The following PCDHA2 variants were observed in gnomAD, a reference collection of about 807,000 sequenced individuals.
PCDHA2 encodes protocadherin alpha-2.
PCDHA2 carries 58 observed loss-of-function variants against 66.0 expected under a neutral mutation model. That is an observed-to-expected ratio of 0.88 (90% CI 0.71 to 1.09). PCDHA2 has a LOEUF of 1.09. PCDHA2 is among the 50% of genes least tolerant of loss of function. The probability of loss-of-function intolerance (pLI) is 0.00; values close to 1 mark genes in which losing one functional copy is unlikely to be tolerated. For synonymous variants in PCDHA2, 634 were observed against 554.0 expected, an observed-to-expected ratio of 1.14 and a Z score of -2.03; for missense variants, 1,267 against 1,242.3, an observed-to-expected ratio of 1.02 and a Z score of -0.30.
intron 1 of PCDHA2, chr5:140,967,005 A>G: frequency 1.2e-6 from 2 of 1,605,512 alleles, no homozygotes; most frequent in African/African-American, 1.3e-5. Flanking sequence ...TTGCGCATCA[A>G]CCATCTGGGT....
intron 3 of PCDHA2, among the ~76,000 whole-genome samples, chr5:141,004,289 CAG>C (rs1383902638): frequency 1.3e-5 from 2 of 152,130 alleles, no homozygotes; most frequent in Non-Finnish European, 2.9e-5. Context: ...GCTGAGCTCT[CAG>C]AGATGTTTGT....
rs2150354067 is a variant in PCDHA2 at position 140,843,158 on chromosome 5, C to A, written c.2388+45806C>A. On this transcript the variant is annotated intron_variant, in intron 1 of 3. Transcript: ENST00000526136. ...CGCGTGGCTTTCGTATGAGCTGCAG[C>A]CAGCTGCAAGCAGCCCTCGCATCCC... is the stretch of plus-strand genomic sequence containing the variant. The A allele has an allele frequency of 1.0e-4, 163 of 1,596,026 alleles. 13 individuals carry two copies. In the South Asian group the frequency reaches 1.7e-3, roughly 16 times the overall value.
intron 1 of PCDHA2, chr5:140,810,623 A>C (rs1474517049): frequency 6.6e-6 from 1 of 152,124 alleles, no homozygotes; most frequent in South Asian, 2.1e-4. Flanking sequence ...TATTTTGTGC[A>C]ATAGCTGCTC....
chr5:140,807,397 C>T, intron 1 of PCDHA2: 1 of 1,344,452 alleles, frequency 7.4e-7, no homozygotes, highest in Non-Finnish European at 1.0e-6. Flanking sequence ...CGTCCAAGGG[C>T]CGCGGAGGCC....
At chr5:140,966,806 C>T in intron 1 of PCDHA2, 1 of 1,546,832 alleles carries the variant, frequency 6.5e-7, no homozygotes, top group Non-Finnish European at 8.7e-7. Context: ...GACAGAGCAT[C>T]CACGGCTCCG....
intron 1 of PCDHA2, among the ~76,000 whole-genome samples, chr5:140,798,690 T>C (rs1762351205): frequency 6.6e-6 from 1 of 152,230 alleles, no homozygotes; most frequent in Non-Finnish European, 1.5e-5. Context: ...TTGGAATTTT[T>C]CCAAAAGATG....
chr5:140,881,336 G>C (rs2058671987), intron 1 of PCDHA2: 1 of 984,948 alleles, frequency 1.0e-6, no homozygotes. Context: ...CCAGGACGCC[G>C]ATTCGGGCTA....
chr5:140,989,253 G>C (rs886150768), intron 3 of PCDHA2, among the ~76,000 whole-genome samples: 1 of 152,194 alleles, frequency 6.6e-6, no homozygotes, highest in Non-Finnish European at 1.5e-5. Flanking sequence ...CTTGTCAAAA[G>C]GGAGATTCAA....
At chr5:140,853,128 C>T (rs2150528900) in intron 1 of PCDHA2, 17 of 607,300 alleles carry the variant, frequency 2.8e-5, no homozygotes, top group Non-Finnish European at 3.6e-5. Flanking sequence ...ATCCTCCCGC[C>T]TCAGCCTCCC....
At position 141,010,329 on chromosome 5, in the gene PCDHA2, GTTTGTGGCCACTGGGTA is replaced by G. The variant is rs1554262887; in HGVS notation, c.*394_*410del. The G allele has an allele frequency of 1.9e-6, 3 of 1,538,554 alleles. No individual in the cohort carries two copies. The East Asian group carries it at 7.3e-5, about 38-fold the overall frequency. ...AGTTTTGAGATTGAGCAGCTTGGGA[GTTTGTGGCCACTGGGTA>G]TGTGTGGCTACCGCGGGTATGCGAG... On this transcript the variant is annotated 3_prime_UTR_variant, in exon 4 of 4. Coordinates refer to ENST00000526136, the MANE Select transcript of PCDHA2 (RefSeq NM_018905.3).
At chr5:140,968,353 C>A (rs1377792748) in intron 1 of PCDHA2, 1 of 1,614,106 alleles carries the variant, frequency 6.2e-7, no homozygotes, top group Non-Finnish European at 8.5e-7. Context: ...GTGCCAGTGG[C>A]AGCCTTTATG....
At chr5:140,866,641 A>C (rs567516921) in intron 1 of PCDHA2, 3 of 152,226 alleles carry the variant, frequency 2.0e-5, no homozygotes, top group African/African-American at 2.4e-5. Flanking sequence ...ACGGTGTCAA[A>C]ATTTATTTAT....
At chr5:140,870,073 A>T in intron 1 of PCDHA2, 1 of 1,613,872 alleles carries the variant, frequency 6.2e-7, no homozygotes, top group Non-Finnish European at 8.5e-7. Context: ...GGCTACAGAT[A>T]AGGGGACTCC....
rs1299699078 is a variant in PCDHA2 at position 140,843,118 on chromosome 5, C to G, written c.2388+45766C>G. 1.7e-5 allele frequency: 27 copies of G among 1,595,720 alleles called. 3 individuals carry two copies. Among genetic ancestry groups the G allele is most frequent in the African/African-American group, 4.0e-5 (3 of 74,428 alleles). The stretch of plus-strand genomic sequence containing the variant: ...TAGCGAAGGTGCGCGCAGTGGACGC[C>G]GACTCGGGCTACAACGCGTGGCTTT... On this transcript the variant is annotated intron_variant, in intron 1 of 3. Transcript: ENST00000526136.
In PCDHA2 at chr5:140,818,435, G is replaced by A. The variant is rs2150101216; in HGVS notation, c.2388+21083G>A. ...TTTTTAAAAATATATTTCTAACTTG[G>A]GTACTGGCTAATGTCAAAAGAAACT... On this transcript the variant is annotated intron_variant, in intron 1 of 3. Coordinates refer to ENST00000526136, the MANE Select transcript of PCDHA2 (RefSeq NM_018905.3). Among the ~76,000 whole-genome samples the A allele has an allele frequency of 4.6e-5, 7 of 152,126 alleles. No homozygotes were observed. In the South Asian group the frequency reaches 1.5e-3, roughly 32 times the overall value.
chr5:140,871,999 T>C (rs116431688), intron 1 of PCDHA2, among the ~76,000 whole-genome samples: 316 of 152,330 alleles, frequency 2.1e-3, no homozygotes, highest in African/African-American at 7.4e-3. Flanking sequence ...CAGTGGCTAT[T>C]TACAGGTGAC....
chr5:140,874,216 C>A (rs1482061600), intron 1 of PCDHA2, among the ~76,000 whole-genome samples: 1 of 152,146 alleles, frequency 6.6e-6, no homozygotes, highest in African/African-American at 2.4e-5. Flanking sequence ...TTATTATATG[C>A]AGTAGGAATG....
chr5:140,869,432 T>C (rs1562628312), intron 1 of PCDHA2: 3 of 1,614,192 alleles, frequency 1.9e-6, no homozygotes, highest in Non-Finnish European at 2.5e-6. Context: ...GAGGTGATCG[T>C]GGACAGGCCG....
chr5:140,797,852 TTTTG>T (rs1296527031), intron 1 of PCDHA2, among the ~76,000 whole-genome samples: 3 of 151,866 alleles, frequency 2.0e-5, no homozygotes, highest in Admixed American at 6.6e-5. Context: ...TACATTTTTT[TTTTG>T]TTTGTTTGTT....
Sources: gnomAD v4.1 joint callset for allele counts (sites outside exome capture counted in the v4.1 genomes callset) on GRCh38, gnomAD v4.1.1 for gene constraint, MANE v1.5 for transcripts, NCBI Gene and HGNC (gene_info 2026-07-23, HGNC 2026-07-21) for gene names.